NTRK3: variants seen among roughly 807,000 people sequenced by gnomAD.
NTRK3 encodes NT-3 growth factor receptor.
Under a neutral mutation model 91.7 loss-of-function variants are expected in NTRK3, and 24 were observed. The observed-to-expected ratio is 0.26, with a 90% confidence interval of 0.19 to 0.37. The LOEUF (loss-of-function observed/expected upper bound fraction) is 0.37, where lower values mean the gene tolerates loss of function less well. Ranked by LOEUF, NTRK3 falls within the 10% of genes least tolerant of loss-of-function variation. The probability of loss-of-function intolerance (pLI) is 1.00; values close to 1 mark genes in which losing one functional copy is unlikely to be tolerated. For synonymous variants in NTRK3, 483 were observed against 404.0 expected (o/e 1.20, Z -2.34); for missense variants, 880 against 1,068.9 (o/e 0.82, Z 2.46).
At chr15:88,123,415 G>T (rs994068) in intron 13 of NTRK3, among the ~76,000 whole-genome samples, 2 of 152,174 alleles carry the variant, frequency 1.3e-5, no homozygotes, top group African/African-American at 4.8e-5. Flanking sequence ...TTCTGGTACC[G>T]GTGTCATCAC....
chr15:87,953,304 C>T (rs937313131), intron 14 of NTRK3, among the ~76,000 whole-genome samples: 2 of 152,220 alleles, frequency 1.3e-5, no homozygotes, highest in Admixed American at 6.5e-5. Context: ...GTTCACCAAG[C>T]TCCGAGTTTG....
intron 17 of NTRK3, among the ~76,000 whole-genome samples, chr15:87,915,160 A>G (rs992517302): frequency 6.6e-6 from 1 of 152,196 alleles, no homozygotes; most frequent in African/African-American, 2.4e-5. Context: ...ACAGTTTACA[A>G]AGAACTTGCA....
At chr15:87,898,767 C>T (rs557837353) in intron 17 of NTRK3, among the ~76,000 whole-genome samples, 1 of 149,060 alleles carries the variant, frequency 6.7e-6, no homozygotes, top group African/African-American at 2.5e-5. Context: ...AGGTGAATCA[C>T]CTGAGGTCTG....
exon 19 of NTRK3, chr15:87,860,618 C>T (rs2064500956): frequency 4.8e-6 from 1 of 206,610 alleles, no homozygotes; most frequent in African/African-American, 2.3e-5. Flanking sequence ...ATAAAATCAG[C>T]ATAGCCAATG....
intron 3 of NTRK3, among the ~76,000 whole-genome samples, chr15:88,192,494 T>A (rs2047488485): frequency 6.6e-6 from 1 of 152,152 alleles, no homozygotes; most frequent in South Asian, 2.1e-4. Flanking sequence ...CATCCCCTCC[T>A]ACCTGGCCTC....
chr15:87,910,937 A>G (rs1369351539), intron 17 of NTRK3, among the ~76,000 whole-genome samples: 6 of 152,220 alleles, frequency 3.9e-5, no homozygotes, highest in Non-Finnish European at 8.8e-5. Context: ...TGCAGATTCA[A>G]TTCAGTGGTA....
intron 14 of NTRK3, among the ~76,000 whole-genome samples, chr15:87,992,386 G>A (rs897731142): frequency 4.6e-5 from 7 of 152,104 alleles, no homozygotes; most frequent in Admixed American, 3.9e-4. Context: ...TCATCCAATT[G>A]CCGTTCAATC....
chr15:88,232,714 T>C (rs970948709), intron 3 of NTRK3, among the ~76,000 whole-genome samples: 19 of 152,276 alleles, frequency 1.2e-4, no homozygotes, highest in African/African-American at 4.3e-4. Context: ...AGCCAGGAGT[T>C]GGGCAGTGGG....
intron 14 of NTRK3, among the ~76,000 whole-genome samples, chr15:87,956,665 G>A (rs924297774): frequency 1.3e-5 from 2 of 152,044 alleles, no homozygotes; most frequent in Non-Finnish European, 2.9e-5. Flanking sequence ...CGCCTCCTGG[G>A]TTCAAGCAAT....
chr15:87,972,118 G>A (rs775102324), intron 14 of NTRK3, among the ~76,000 whole-genome samples: 15 of 152,308 alleles, frequency 9.8e-5, no homozygotes, highest in South Asian at 4.1e-4. Context: ...ATGAACTTGA[G>A]GGCAAGGGAG....
intron 17 of NTRK3, among the ~76,000 whole-genome samples, chr15:87,910,402 G>A (rs1567096495): frequency 6.6e-6 from 1 of 152,318 alleles, no homozygotes; most frequent in African/African-American, 2.4e-5. Flanking sequence ...CTCCCCTTTG[G>A]GAAGCTCCCA....
At chr15:88,057,718 C>T (rs946649931) in intron 13 of NTRK3, among the ~76,000 whole-genome samples, 3 of 152,142 alleles carry the variant, frequency 2.0e-5, no homozygotes, top group South Asian at 2.1e-4. Flanking sequence ...TGTGAGCTGC[C>T]GGGAAAACCC....
intron 13 of NTRK3, among the ~76,000 whole-genome samples, chr15:88,100,487 C>T (rs2050059151): frequency 6.6e-6 from 1 of 152,160 alleles, no homozygotes; most frequent in African/African-American, 2.4e-5. Context: ...TTTACCATTC[C>T]ATCTTCTGTG....
exon 19 of NTRK3, chr15:87,868,938 A>T: frequency 4.4e-6 from 1 of 227,080 alleles, no homozygotes; most frequent in Non-Finnish European, 8.8e-6. Context: ...CGCAGTCATG[A>T]CCTTGTTGCA....
At chr15:87,967,611 A>G (rs536596482) in intron 14 of NTRK3, among the ~76,000 whole-genome samples, 22 of 152,310 alleles carry the variant, frequency 1.4e-4, no homozygotes, top group African/African-American at 5.3e-4. Flanking sequence ...CATGCCATTC[A>G]TGCCTCCTGC....
At chr15:88,248,329 G>T (rs1033322142) in intron 3 of NTRK3, among the ~76,000 whole-genome samples, 1 of 152,162 alleles carries the variant, frequency 6.6e-6, no homozygotes, top group Non-Finnish European at 1.5e-5. Flanking sequence ...CTACTAAGAG[G>T]CCTGCCTGGG....
intron 16 of NTRK3, 151 bp downstream of exon 16, chr15:87,932,861 G>T: frequency 1.2e-6 from 1 of 821,374 alleles, no homozygotes; most frequent in Non-Finnish European, 2.0e-6. Context: ...GGCTGCTAAG[G>T]AGATCATGTA....
At chr15:88,108,767 G>A (rs943718165) in intron 13 of NTRK3, among the ~76,000 whole-genome samples, 2 of 152,218 alleles carry the variant, frequency 1.3e-5, no homozygotes, top group African/African-American at 4.8e-5. Context: ...GCTAAGCCAA[G>A]TGTGGCTAGC....
At chr15:88,001,396 A>G (rs971631333) in intron 14 of NTRK3, among the ~76,000 whole-genome samples, 1 of 152,122 alleles carries the variant, frequency 6.6e-6, no homozygotes, top group African/African-American at 2.4e-5. Context: ...GGTGTCATAT[A>G]TAAGAAATCA....
Sources: allele counts gnomAD v4.1 joint callset (sites outside exome capture counted in the v4.1 genomes callset), GRCh38; gene constraint gnomAD v4.1.1; transcripts MANE v1.5; gene names NCBI Gene and HGNC (gene_info 2026-07-23, HGNC 2026-07-21).